Variants in VEPH1 observed in about 807,000 individuals in gnomAD.
VEPH1 encodes the protein ventricular zone-expressed PH domain-containing protein homolog 1.
Under a neutral mutation model 85.2 loss-of-function variants are expected in VEPH1, and 80 were observed. The ratio of observed to expected loss-of-function variants is 0.94; its 90% CI spans 0.78 to 1.13. VEPH1 has a LOEUF of 1.13. Among genes scored for constraint, VEPH1 ranks in the 50% most tolerant of loss-of-function variants. The pLI is 0.00. For missense variants in VEPH1, 955 were observed against 980.5 expected (o/e 0.97, Z 0.35); for synonymous variants, 297 against 348.0 (o/e 0.85, Z 1.63).
At position 157,279,750 on chromosome 3, in the gene VEPH1, G is replaced by T. The variant is rs1399163701; in HGVS notation, c.2128+6807C>A. Among the ~76,000 whole-genome samples, 4 of 152,160 alleles carry T rather than the reference G, an allele frequency of 2.6e-5. No individual in the cohort carries two copies. The South Asian group carries it at 8.3e-4, about 32-fold the overall frequency. On this transcript the variant is annotated intron_variant, in intron 12 of 13. Transcript: ENST00000362010. ...ACCAGTATGTCAGTTGGGCCTGGTG[G>T]CTCACGCTGGTAATCCCAGCACTTT...
chr3:157,365,410 C>T (rs1407269050), intron 7 of VEPH1, among the ~76,000 whole-genome samples: 2 of 152,132 alleles, frequency 1.3e-5, no homozygotes, highest in East Asian at 3.8e-4. Flanking sequence ...TTTTTACTTA[C>T]CACACTTTTG....
intron 2 of VEPH1, among the ~76,000 whole-genome samples, chr3:157,481,941 C>T (rs1214128666): frequency 6.6e-6 from 1 of 151,032 alleles, no homozygotes; most frequent in African/African-American, 2.4e-5. Flanking sequence ...TTTGTCAAAA[C>T]ATTGCTTAGT....
intron 7 of VEPH1, among the ~76,000 whole-genome samples, chr3:157,379,352 G>A (rs776721802): frequency 5.9e-5 from 9 of 151,824 alleles, no homozygotes; most frequent in South Asian, 2.1e-4. Flanking sequence ...GGGAATTTTC[G>A]TTCATTCTGT....
At chr3:157,438,023 G>A (rs961282734) in intron 4 of VEPH1, 164 of 767,200 alleles carry the variant, frequency 2.1e-4, no homozygotes, top group Admixed American at 4.5e-4. Flanking sequence ...CATGGGAAGC[G>A]CGCGCGCGCG....
chr3:157,395,635 A>G (rs1730306176), intron 6 of VEPH1, among the ~76,000 whole-genome samples: 1 of 152,188 alleles, frequency 6.6e-6, no homozygotes, highest in Non-Finnish European at 1.5e-5. Context: ...AGGGGACACA[A>G]ATATCTTCAG....
chr3:157,418,967 T>A (rs894909821), intron 5 of VEPH1, among the ~76,000 whole-genome samples: 2 of 152,142 alleles, frequency 1.3e-5, no homozygotes. Flanking sequence ...GGCAGAGTAC[T>A]GGTACAAAAA....
chr3:157,374,080 A>C (rs1054387211), intron 7 of VEPH1, among the ~76,000 whole-genome samples: 8 of 152,302 alleles, frequency 5.3e-5, no homozygotes, highest in Non-Finnish European at 1.0e-4. Context: ...TGGTGGAGTA[A>C]ATGAATAACA....
intron 7 of VEPH1, among the ~76,000 whole-genome samples, chr3:157,375,167 A>G (rs1184246970): frequency 6.6e-6 from 1 of 152,222 alleles, no homozygotes; most frequent in Non-Finnish European, 1.5e-5. Context: ...CAGAGGGGAA[A>G]GCTCCTAGCA....
Position 157,464,075 on chromosome 3 carries a change from G to A in VEPH1, c.355-3720C>T, listed in dbSNP as rs9872406. ...TTAACATACTGATCAAACATGTGGT[G>A]TTTAGAAAAGCTAATTGATTTGGTC... is the stretch of plus-strand genomic sequence containing the variant. On this transcript the variant is annotated intron_variant, in intron 3 of 13. Coordinates refer to ENST00000362010, the MANE Select transcript of VEPH1 (RefSeq NM_001167912.2). 5.0e-3 allele frequency among the ~76,000 whole-genome samples: 754 copies of A among 152,284 alleles called. 5 individuals are homozygous for A. Among genetic ancestry groups the A allele is most frequent in the African/African-American group, 0.017 (724 of 41,556 alleles).
At chr3:157,482,383 C>T (rs1738193963) in intron 2 of VEPH1, among the ~76,000 whole-genome samples, 1 of 152,022 alleles carries the variant, frequency 6.6e-6, no homozygotes, top group Non-Finnish European at 1.5e-5. Flanking sequence ...CACCACCAGG[C>T]CCAGTTAATT....
intron 2 of VEPH1, among the ~76,000 whole-genome samples, chr3:157,474,137 TCTTA>T (rs1737227325): frequency 6.6e-6 from 1 of 152,160 alleles, no homozygotes. Flanking sequence ...CTCTCTATAA[TCTTA>T]CTTATTATTT....
At chr3:157,462,256 G>A (rs1372508749) in intron 3 of VEPH1, among the ~76,000 whole-genome samples, 1 of 151,666 alleles carries the variant, frequency 6.6e-6, no homozygotes, top group Non-Finnish European at 1.5e-5. Context: ...CTGATTACAG[G>A]GTTGTATTTG....
chr3:157,358,556 C>A (rs925815233), intron 9 of VEPH1, among the ~76,000 whole-genome samples: 17 of 152,098 alleles, frequency 1.1e-4, no homozygotes, highest in African/African-American at 4.1e-4. Flanking sequence ...AGTGGATGGG[C>A]GTAATCAACA....
rs1553773125 is a variant in VEPH1, at chr3:157,369,193, A to AAAAAAAAAAAAAAAAAAC, written c.1128-4682_1128-4681insGTTTTTTTTTTTTTTTTT. Among the ~76,000 whole-genome samples, 10 of 140,630 alleles carry AAAAAAAAAAAAAAAAAAC rather than the reference A, an allele frequency of 7.1e-5. 1 individual carries two copies. The East Asian group carries it at 1.1e-3, about 15-fold the overall frequency. The allele number at this position is 140,630 out of a possible 152,430, so 92.3% of individuals were successfully genotyped here. A position where few individuals can be genotyped will look rare whatever the true frequency, so the allele number is the denominator to read the frequency against. On this transcript the variant is annotated intron_variant, in intron 7 of 13. Coordinates refer to ENST00000362010, the MANE Select transcript of VEPH1 (RefSeq NM_001167912.2). ...CAAAAACCAAATGAAAAAAAAAAAAAAAAAAAAAAAACCTCCTGAGGTCTA... is the reference window on the plus strand; with the variant it reads ...CAAAAACCAAATGAAAAAAAAAAAAAAAAAAAAAAAAAAAAAACAAAAAAAAAAACCTCCTGAGGTCTA...
At chr3:157,278,327 AAG>A (rs1291742900) in intron 12 of VEPH1, among the ~76,000 whole-genome samples, 3 of 152,208 alleles carry the variant, frequency 2.0e-5, no homozygotes, top group African/African-American at 7.2e-5. Context: ...GTAGAAGAAA[AAG>A]TACATATAAA....
At chr3:157,454,731 G>A (rs1484556700) in intron 4 of VEPH1, among the ~76,000 whole-genome samples, 1 of 152,122 alleles carries the variant, frequency 6.6e-6, no homozygotes, top group Non-Finnish European at 1.5e-5. Flanking sequence ...TACCCAATAA[G>A]TAGTTTTTCT....
chr3:157,310,022 C>T (rs983668486), intron 11 of VEPH1, among the ~76,000 whole-genome samples: 9 of 152,114 alleles, frequency 5.9e-5, no homozygotes, highest in Admixed American at 1.3e-4. Context: ...TCAGGTGATC[C>T]GCCTGCCTCA....
chr3:157,429,335 A>T (rs1193009664), intron 4 of VEPH1, among the ~76,000 whole-genome samples: 1 of 152,192 alleles, frequency 6.6e-6, no homozygotes, highest in Non-Finnish European at 1.5e-5. Flanking sequence ...GAAGCCATAC[A>T]CAGAAAGAAT....
intron 2 of VEPH1, among the ~76,000 whole-genome samples, chr3:157,476,127 T>C (rs1737451441): frequency 6.6e-6 from 1 of 152,204 alleles, no homozygotes; most frequent in Admixed American, 6.5e-5. Context: ...GGAGTAGCCA[T>C]GGTGAGGGAT....
Sources: allele counts gnomAD v4.1 joint callset (sites outside exome capture counted in the v4.1 genomes callset), GRCh38; gene constraint gnomAD v4.1.1; transcripts MANE v1.5; gene names NCBI Gene and HGNC (gene_info 2026-07-23, HGNC 2026-07-21).